The following UBE2T variants were observed in gnomAD, a reference collection of about 807,000 sequenced individuals.
The protein encoded by UBE2T is ubiquitin-conjugating enzyme E2 T.
In UBE2T, 15 loss-of-function variants were observed where a neutral mutation model predicts 23.3. That is an observed-to-expected ratio of 0.64 (90% CI 0.43 to 0.99). The LOEUF is 0.99. Ranked by LOEUF, UBE2T falls within the 50% of genes least tolerant of loss-of-function variation. The pLI, the probability that UBE2T is intolerant of heterozygous loss-of-function variation, is 0.00. For missense variants in UBE2T, 197 were observed against 234.9 expected (o/e 0.84, Z 1.05); for synonymous variants, 67 against 78.4 (o/e 0.85, Z 0.77).
chr1:202,337,495 TAGTG>T (rs1253640969), intron 1 of UBE2T, among the ~76,000 whole-genome samples: 4 of 152,316 alleles, frequency 2.6e-5, no homozygotes, highest in Admixed American at 1.3e-4. Flanking sequence ...ATTTTATGTA[TAGTG>T]AGTGAGGTGG....
chr1:202,334,573 A>G (rs1311872122), intron 3 of UBE2T, among the ~76,000 whole-genome samples: 2 of 152,228 alleles, frequency 1.3e-5, no homozygotes, highest in Admixed American at 1.3e-4. Flanking sequence ...TTAAGAAAGC[A>G]CAATAGTGGT....
rs113828976 is a variant in UBE2T, at chr1:202,334,651, A to G, written c.179+338T>C. ...AATGGCTATGAAGTTTCAGTGTAGG[A>G]GGATGAAAAGTTCTGGAGATAAATG... On this transcript the variant is annotated intron_variant, in intron 3 of 6. Coordinates refer to ENST00000646651, the MANE Select transcript of UBE2T (RefSeq NM_014176.4). Among the ~76,000 whole-genome samples the G allele has an allele frequency of 1.2e-4, 19 of 152,324 alleles. 1 individual carries two copies. Among genetic ancestry groups the G allele is most frequent in the African/African-American group, 4.6e-4 (19 of 41,564 alleles).
rs950603718 is a variant in UBE2T, at chr1:202,332,187, A to G, written c.469-227T>C. Among the ~76,000 whole-genome samples, 3 of 152,230 alleles carry G rather than the reference A, an allele frequency of 2.0e-5. 1 individual carries two copies. Among genetic ancestry groups the G allele is most frequent in the Admixed American group, 2.0e-4 (3 of 15,284 alleles). On this transcript the variant is annotated intron_variant, in intron 6 of 6. Coordinates refer to ENST00000646651, the MANE Select transcript of UBE2T (RefSeq NM_014176.4). ...TATTTAACTCAATCTGAAAGATGGC[A>G]TAACTCAGCAAGAACTATGATGTGC...
intron 1 of UBE2T, among the ~76,000 whole-genome samples, chr1:202,338,894 A>G (rs1459589832): frequency 6.6e-6 from 1 of 151,852 alleles, no homozygotes; most frequent in Non-Finnish European, 1.5e-5. Context: ...AAAAAAAAAA[A>G]AGAAAAAAGA....
Position 202,335,313 on chromosome 1 carries a change from C to A in UBE2T, c.110-255G>T. On this transcript the variant is annotated intron_variant, in intron 2 of 6. Coordinates refer to ENST00000646651, the MANE Select transcript of UBE2T (RefSeq NM_014176.4). The surrounding 1 kb of genome is among the most constrained non-coding windows in gnomAD (Gnocchi z 4.0). ...ATGCTGGCCACAAGACCAAATACAA[C>A]CTATAGATTTGTTTTGTTTGGACCG... The A allele has an allele frequency of 1.8e-6, 1 of 548,418 alleles. No individual in the cohort carries two copies. The highest frequency in any genetic ancestry group is 3.2e-6 in the Non-Finnish European group (1 of 308,380). The allele number at this position is 548,418 out of a possible 1,614,324, so 34.0% of individuals were successfully genotyped here. A position where few individuals can be genotyped will look rare whatever the true frequency, so the allele number is the denominator to read the frequency against.
chr1:202,337,224 A>C (rs1263123674), intron 1 of UBE2T, among the ~76,000 whole-genome samples: 1 of 152,182 alleles, frequency 6.6e-6, no homozygotes, highest in South Asian at 2.1e-4. Context: ...TACAGGCGTG[A>C]GCCACCGCGC....
chr1:202,332,939 A>AAAAAAAAAC (rs1558100064), intron 6 of UBE2T, 71 bp downstream of exon 6: 1 of 238,830 alleles, frequency 4.2e-6, no homozygotes, highest in African/African-American at 2.7e-5. Context: ...AAAAAAAAAA[A>AAAAAAAAAC]ACATTATTTA....
intron 5 of UBE2T, 59 bp downstream of exon 5, chr1:202,333,176 GGA>G (rs937573270): frequency 3.7e-6 from 6 of 1,606,780 alleles, no homozygotes; most frequent in Non-Finnish European, 4.3e-6. Context: ...CCTCACACAG[GGA>G]GAGTTAGCGG....
intron 3 of UBE2T, among the ~76,000 whole-genome samples, chr1:202,333,793 T>C (rs1234619964): frequency 6.6e-6 from 1 of 152,154 alleles, no homozygotes; most frequent in Non-Finnish European, 1.5e-5. Context: ...CCACTTTACC[T>C]CTAAATACTC....
rs1185967484 is a variant in UBE2T, at chr1:202,335,808, C to T, written c.-54G>A. The T allele has an allele frequency of 2.6e-6, 4 of 1,528,292 alleles. No homozygotes were observed. Among genetic ancestry groups the T allele is most frequent in the African/African-American group, 1.4e-5 (1 of 73,206 alleles). The allele number at this position is 1,528,292 out of a possible 1,614,324, so 94.7% of individuals were successfully genotyped here. On this transcript the variant is annotated 5_prime_UTR_variant, in exon 2 of 7. Coordinates refer to ENST00000646651, the MANE Select transcript of UBE2T (RefSeq NM_014176.4). This position sits in a 1 kb window ranked among gnomAD's most constrained non-coding sequence, Gnocchi z 4.0. ...GTTCACTGCTCCACACTAAGAGCTG[C>T]CTGGGATGCACTGGAGGAGAAAAGA...
intron 3 of UBE2T, among the ~76,000 whole-genome samples, chr1:202,334,445 A>C (rs1051098471): frequency 3.9e-5 from 6 of 152,194 alleles, no homozygotes; most frequent in Non-Finnish European, 5.9e-5. Flanking sequence ...CCTGGGTGAC[A>C]AAATAATCTG....
chr1:202,341,136 A>C (rs1654991768), intron 1 of UBE2T, among the ~76,000 whole-genome samples: 1 of 152,072 alleles, frequency 6.6e-6, no homozygotes, highest in Non-Finnish European at 1.5e-5. Flanking sequence ...GTCTACATCT[A>C]TTTGCATCGT....
chr1:202,335,915 C>A lies in UBE2T; in HGVS notation c.-64-97G>T. ...ATGTAGTGAGGGTGGGGGACAGAGT[C>A]CTCTTTTTTGTTTTGAGACACAGTT... On this transcript the variant is annotated intron_variant, in intron 1 of 6. Transcript: ENST00000646651. The surrounding 1 kb of genome is among the most constrained non-coding windows in gnomAD (Gnocchi z 4.0). The A allele has an allele frequency of 1.7e-6, 1 of 601,748 alleles. No individual in the cohort carries two copies. Among genetic ancestry groups the A allele is most frequent in the Non-Finnish European group, 2.9e-6 (1 of 345,666 alleles). 37.3% of individuals were successfully genotyped at this position (601,748 alleles called of 1,614,324 possible).
Position 202,335,167 on chromosome 1 carries a change from C to A in UBE2T, c.110-109G>T. On this transcript the variant is annotated intron_variant, in intron 2 of 6. Transcript: ENST00000646651. The surrounding 1 kb of genome is among the most constrained non-coding windows in gnomAD (Gnocchi z 4.0). Reference sequence around the variant, plus strand: ...CCTAATAGAGAAACTAGGCCTAGGACAATAATTCTCTGCCAGGACTTTAAC... The same window carrying A: ...CCTAATAGAGAAACTAGGCCTAGGAAAATAATTCTCTGCCAGGACTTTAAC... The A allele has an allele frequency of 4.7e-6, 4 of 845,102 alleles. No individual in the cohort carries two copies. The highest frequency in any genetic ancestry group is 7.3e-6 in the Non-Finnish European group (4 of 545,422). 52.4% of individuals were successfully genotyped at this position (845,102 alleles called of 1,614,324 possible). A position where few individuals can be genotyped will look rare whatever the true frequency, so the allele number is the denominator to read the frequency against.
intron 3 of UBE2T, among the ~76,000 whole-genome samples, 156 bp from the exon 4 acceptor site, chr1:202,333,711 T>C (rs1412925388): frequency 2.0e-5 from 3 of 152,196 alleles, no homozygotes; most frequent in Non-Finnish European, 2.9e-5. Context: ...ATTTTCACTA[T>C]GAAAATTTAA....
In UBE2T at chr1:202,335,852, A is replaced by G. The variant is rs1308844574; in HGVS notation, c.-64-34T>C. ...GAAAAGAGGTGACCATAAAATCATCAGCAATAATGACTATGAAGTTTTCAG... is the reference window on the plus strand; with the variant it reads ...GAAAAGAGGTGACCATAAAATCATCGGCAATAATGACTATGAAGTTTTCAG... On this transcript the variant is annotated intron_variant, in intron 1 of 6. Transcript: ENST00000646651. The surrounding 1 kb of genome is among the most constrained non-coding windows in gnomAD (Gnocchi z 4.0). 3 of 1,066,564 alleles carry G rather than the reference A, an allele frequency of 2.8e-6. No individual in the cohort carries two copies. The East Asian group carries it at 7.2e-5, about 26-fold the overall frequency. The allele number at this position is 1,066,564 out of a possible 1,614,324, so 66.1% of individuals were successfully genotyped here. A position where few individuals can be genotyped will look rare whatever the true frequency, so the allele number is the denominator to read the frequency against.
chr1:202,333,875 G>A (rs1174410729), intron 3 of UBE2T, among the ~76,000 whole-genome samples: 1 of 151,276 alleles, frequency 6.6e-6, no homozygotes, highest in African/African-American at 2.4e-5. Context: ...AAAAATTTAA[G>A]AACTAATTCC....
At chr1:202,334,403 A>T (rs921371263) in intron 3 of UBE2T, among the ~76,000 whole-genome samples, 1 of 152,168 alleles carries the variant, frequency 6.6e-6, no homozygotes, top group Non-Finnish European at 1.5e-5. Context: ...GAGGACAGAG[A>T]AGGGCAAAAC....
At chr1:202,333,199 G>C (rs768755964) in intron 5 of UBE2T, 38 bp downstream of exon 5, 1 of 1,611,422 alleles carries the variant, frequency 6.2e-7, no homozygotes. Flanking sequence ...TATAGACAAG[G>C]TAGGATATGT....
Sources: allele counts gnomAD v4.1 joint callset (sites outside exome capture counted in the v4.1 genomes callset), GRCh38; gene constraint gnomAD v4.1.1; non-coding constraint Gnocchi (gnomAD v3.1); transcripts MANE v1.5; gene names NCBI Gene and HGNC (gene_info 2026-07-23, HGNC 2026-07-21).